GPR137B: variants seen among roughly 807,000 people sequenced by gnomAD.
GPR137B encodes G protein-coupled receptor 137B.
GPR137B carries 42 observed loss-of-function variants against 42.5 expected under a neutral mutation model. The observed-to-expected ratio is 0.99, with a 90% CI of 0.77 to 1.28. The LOEUF (loss-of-function observed/expected upper bound fraction) is 1.28. Ranked by LOEUF, GPR137B falls within the 50% of genes most tolerant of loss-of-function variation. GPR137B has a pLI of 0.00. For synonymous variants in GPR137B, 218 were observed against 209.7 expected, an observed-to-expected ratio of 1.04 and a Z score of -0.34; for missense variants, 487 against 493.9, an observed-to-expected ratio of 0.99 and a Z score of 0.13.
At chr1:236,206,324 T>A (rs570737758) in intron 6 of GPR137B, among the ~76,000 whole-genome samples, 14 of 152,324 alleles carry the variant, frequency 9.2e-5, no homozygotes, top group Non-Finnish European at 1.9e-4. Flanking sequence ...AGGCTACAAT[T>A]CTAACTCAGG....
In GPR137B at chr1:236,172,796, T is replaced by A. The variant is rs553882250; in HGVS notation, c.464+4041T>A. On this transcript the variant is annotated intron_variant, in intron 2 of 6. Transcript: ENST00000366592. ...ATCTCCTGGGCTCAAGCGATCCTCC[T>A]GCCTCTGCTTCCTGAGTAGCTGGGA... Among the ~76,000 whole-genome samples, 22 of 151,836 alleles carry A rather than the reference T, an allele frequency of 1.4e-4. No individual in the cohort carries two copies. The East Asian group carries it at 3.7e-3, about 25-fold the overall frequency.
In GPR137B at chr1:236,156,480, C is replaced by G. The variant is rs1175468417; in HGVS notation, c.415-12226C>G. ...GGGCTGTGGTGGTGGTTATCCAGGT[C>G]CTGAGTCCCTGGACCTATAGCCCAC... On this transcript the variant is annotated intron_variant, in intron 1 of 6. Transcript: ENST00000366592. This position sits in a 1 kb window ranked among gnomAD's most constrained non-coding sequence, Gnocchi z 4.8. Among the ~76,000 whole-genome samples the G allele has an allele frequency of 6.6e-6, 1 of 152,200 alleles. No individual in the cohort carries two copies. Among genetic ancestry groups the G allele is most frequent in the Non-Finnish European group, 1.5e-5 (1 of 68,048 alleles).
chr1:236,191,174 T>C (rs774171470), intron 5 of GPR137B, among the ~76,000 whole-genome samples: 3 of 152,206 alleles, frequency 2.0e-5, no homozygotes, highest in African/African-American at 7.2e-5. Context: ...TCTTGTGCTA[T>C]GTTTTTCAGC....
chr1:236,168,291 G>A (rs1012423375), intron 1 of GPR137B, among the ~76,000 whole-genome samples: 12 of 151,930 alleles, frequency 7.9e-5, no homozygotes, highest in African/African-American at 2.4e-4. Flanking sequence ...ACTGGGTGTG[G>A]TGACACCTGT....
intron 2 of GPR137B, among the ~76,000 whole-genome samples, chr1:236,173,790 A>G (rs1662613672): frequency 6.6e-6 from 1 of 152,192 alleles, no homozygotes; most frequent in Non-Finnish European, 1.5e-5. Flanking sequence ...TTTTTGATAC[A>G]GTTTATTCTG....
chr1:236,203,147 G>A (rs539220353), intron 5 of GPR137B, among the ~76,000 whole-genome samples: 4 of 151,940 alleles, frequency 2.6e-5, no homozygotes, highest in Non-Finnish European at 4.4e-5. Flanking sequence ...GCGTGATCTC[G>A]GCTCACTGCA....
At chr1:236,166,474 T>TTATATATATTTATATATACA (rs1331623953) in intron 1 of GPR137B, among the ~76,000 whole-genome samples, 2 of 133,590 alleles carry the variant, frequency 1.5e-5, no homozygotes, top group South Asian at 2.2e-4. Flanking sequence ...AATATATACA[T>TTATATATATTTATATATACA]TATATATATT....
chr1:236,204,390 A>G (rs752501965), intron 5 of GPR137B, among the ~76,000 whole-genome samples: 3 of 152,202 alleles, frequency 2.0e-5, no homozygotes, highest in Non-Finnish European at 4.4e-5. Flanking sequence ...TTTTAGTATC[A>G]GGGTAATACT....
At chr1:236,179,810 T>C (rs1388021832) in intron 3 of GPR137B, 69 bp from the exon 4 acceptor site, 13 of 1,168,618 alleles carry the variant, frequency 1.1e-5, no homozygotes, top group Non-Finnish European at 1.6e-5. Context: ...TGATAGCAGG[T>C]GGGGGCTGGG....
intron 1 of GPR137B, among the ~76,000 whole-genome samples, chr1:236,151,674 G>A (rs546496469): frequency 7.2e-5 from 11 of 152,036 alleles, no homozygotes; most frequent in African/African-American, 2.4e-4. Flanking sequence ...CGCCTGCCTC[G>A]GCCTTCCAAA....
At chr1:236,184,649 C>T (rs944792116) in intron 5 of GPR137B, among the ~76,000 whole-genome samples, 3 of 152,146 alleles carry the variant, frequency 2.0e-5, no homozygotes, top group Non-Finnish European at 4.4e-5. Context: ...ATTCACAGTT[C>T]TTATTTCATA....
intron 4 of GPR137B, 199 bp downstream of exon 4, chr1:236,180,227 C>A: frequency 1.8e-6 from 1 of 551,310 alleles, no homozygotes; most frequent in Admixed American, 3.4e-5. Context: ...ATACCAAATA[C>A]AACACAAATG....
chr1:236,142,784 G>A lies in GPR137B; in HGVS notation c.162G>A (p.Ala54=), dbSNP rs74541106. 1.9e-6 allele frequency: 3 copies of A among 1,613,740 alleles called. No homozygotes were observed. The highest frequency in any genetic ancestry group is 2.7e-5 in the African/African-American group (2 of 74,956). ...GLTVVYTVFY[A]LLFVFIYVQL... ...CCGTCGTCTACACCGTGTTCTACGCGCTGCTCTTCGTGTTCATCTACGTGC... is the reference window on the plus strand; with the variant it reads ...CCGTCGTCTACACCGTGTTCTACGCACTGCTCTTCGTGTTCATCTACGTGC... Residue 54 remains alanine, a synonymous_variant, in exon 1 of 7, where the codon GCG becomes GCA. Coordinates refer to ENST00000366592, the MANE Select transcript of GPR137B (RefSeq NM_003272.4).
rs562504942 is a variant in GPR137B at position 236,181,893 on chromosome 1, AT to A, written c.838-1867del. ...TAGTAAAATACACATAATATTTGCT[AT>A]TTTTTTTTTTTTTTTTTGAGACGGA... On this transcript the variant is annotated intron_variant, in intron 4 of 6. Transcript: ENST00000366592. 9.5e-4 allele frequency among the ~76,000 whole-genome samples: 116 copies of A among 121,510 alleles called. 1 individual carries two copies. The highest frequency in any genetic ancestry group is 4.2e-3 in the Middle Eastern group (1 of 240). The allele number at this position is 121,510 out of a possible 152,430, so 79.7% of individuals were successfully genotyped here. A position where few individuals can be genotyped will look rare whatever the true frequency, so the allele number is the denominator to read the frequency against.
In GPR137B at chr1:236,155,331, C is replaced by T. The variant is rs16833394; in HGVS notation, c.414+12295C>T. Among the ~76,000 whole-genome samples the T allele has an allele frequency of 3.1e-3, 475 of 152,278 alleles. 3 individuals are homozygous for T. Among genetic ancestry groups the T allele is most frequent in the African/African-American group, 0.011 (449 of 41,560 alleles). The stretch of plus-strand genomic sequence containing the variant: ...AATATTTGTCCTAATGCTTTCACCT[C>T]GCAGATAGACACTGAGGCCTAGAAA... On this transcript the variant is annotated intron_variant, in intron 1 of 6. Coordinates refer to ENST00000366592, the MANE Select transcript of GPR137B (RefSeq NM_003272.4). The surrounding 1 kb of genome is among the most constrained non-coding windows in gnomAD (Gnocchi z 4.6).
In GPR137B at chr1:236,155,148, A is replaced by G. The variant is rs1661986104; in HGVS notation, c.414+12112A>G. Among the ~76,000 whole-genome samples the G allele has an allele frequency of 6.6e-6, 1 of 152,218 alleles. No individual in the cohort carries two copies. Among genetic ancestry groups the G allele is most frequent in the Non-Finnish European group, 1.5e-5 (1 of 68,022 alleles). Reference sequence around the variant, plus strand: ...ATGCCGAGACGGACTCCACCCAGGCAGTGGGCAGGCGGGCAGGTCCGTGCG... The same window carrying G: ...ATGCCGAGACGGACTCCACCCAGGCGGTGGGCAGGCGGGCAGGTCCGTGCG... On this transcript the variant is annotated intron_variant, in intron 1 of 6. Transcript: ENST00000366592. The surrounding 1 kb of genome is among the most constrained non-coding windows in gnomAD (Gnocchi z 4.6).
chr1:236,159,448 G>A (rs1164800041), intron 1 of GPR137B, among the ~76,000 whole-genome samples: 2 of 152,048 alleles, frequency 1.3e-5, no homozygotes, highest in East Asian at 1.9e-4. Flanking sequence ...GGCGGATCAC[G>A]AGATCAGGAG....
rs999372448 is a variant in GPR137B, at chr1:236,155,696, G to A, written c.414+12660G>A. Among the ~76,000 whole-genome samples the A allele has an allele frequency of 6.6e-6, 1 of 152,150 alleles. No homozygotes were observed. The highest frequency in any genetic ancestry group is 2.4e-5 in the African/African-American group (1 of 41,452). ...TTATGAGGCTCAGGGAGGCTCTCGT[G>A]AGCCGATGGAGGGGTGGAGGAGGGG... On this transcript the variant is annotated intron_variant, in intron 1 of 6. Coordinates refer to ENST00000366592, the MANE Select transcript of GPR137B (RefSeq NM_003272.4). This position sits in a 1 kb window ranked among gnomAD's most constrained non-coding sequence, Gnocchi z 4.6.
At chr1:236,179,478 C>G (rs1296779462) in intron 3 of GPR137B, among the ~76,000 whole-genome samples, 1 of 152,118 alleles carries the variant, frequency 6.6e-6, no homozygotes. Context: ...CATTGTCCCT[C>G]TGAGATTGTT....
Sources: allele counts gnomAD v4.1 joint callset (sites outside exome capture counted in the v4.1 genomes callset), GRCh38; gene constraint gnomAD v4.1.1; non-coding constraint Gnocchi (gnomAD v3.1); transcripts MANE v1.5; gene names NCBI Gene and HGNC (gene_info 2026-07-23, HGNC 2026-07-21).